Variants in CDH10 observed in about 807,000 individuals in gnomAD.
CDH10 encodes the protein cadherin-10.
Under a neutral mutation model 73.1 loss-of-function variants are expected in CDH10, and 30 were observed. That is an observed-to-expected ratio of 0.41 (90% CI 0.31 to 0.56). The LOEUF (loss-of-function observed/expected upper bound fraction) is 0.56, where lower values mean the gene tolerates loss of function less well. Among genes scored for constraint, CDH10 ranks in the 20% least tolerant of loss-of-function variants. The probability of loss-of-function intolerance (pLI) is 0.27; values close to 1 mark genes in which losing one functional copy is unlikely to be tolerated. For synonymous variants in CDH10, 345 were observed against 348.2 expected (o/e 0.99, Z 0.10); for missense variants, 815 against 973.7 (o/e 0.84, Z 2.17).
intron 2 of CDH10, among the ~76,000 whole-genome samples, chr5:24,568,575 A>G (rs1745247874): frequency 6.6e-6 from 1 of 151,842 alleles, no homozygotes; most frequent in Admixed American, 6.5e-5. Flanking sequence ...ACTGCTGTGG[A>G]AAACAATATG....
intron 2 of CDH10, among the ~76,000 whole-genome samples, chr5:24,555,296 C>G (rs997805294): frequency 2.0e-5 from 3 of 152,016 alleles, no homozygotes; most frequent in Admixed American, 1.3e-4. Context: ...TGTGACTTTT[C>G]TCTTTCCTTA....
At chr5:24,631,856 CTCT>C (rs926200560) in intron 1 of CDH10, among the ~76,000 whole-genome samples, 6 of 151,930 alleles carry the variant, frequency 3.9e-5, no homozygotes, top group African/African-American at 9.7e-5. Flanking sequence ...TAATTTGAAC[CTCT>C]TCTTTAGTGT....
At chr5:24,574,370 T>C (rs991665559) in intron 2 of CDH10, among the ~76,000 whole-genome samples, 1 of 152,170 alleles carries the variant, frequency 6.6e-6, no homozygotes, top group Non-Finnish European at 1.5e-5. Context: ...TTGCATTGTC[T>C]GGTTGGTTCT....
chr5:24,599,566 A>G (rs1746491148), intron 1 of CDH10, among the ~76,000 whole-genome samples: 1 of 152,218 alleles, frequency 6.6e-6, no homozygotes. Flanking sequence ...GAGAATGTGT[A>G]GAACATGCAT....
chr5:24,600,637 G>A (rs772254179), intron 1 of CDH10, among the ~76,000 whole-genome samples: 10 of 152,062 alleles, frequency 6.6e-5, no homozygotes, highest in Non-Finnish European at 8.8e-5. Flanking sequence ...GTACATGCAT[G>A]CAGATGTACG....
intron 3 of CDH10, 23 bp downstream of exon 3, chr5:24,537,357 A>G (rs749651062): frequency 3.2e-5 from 49 of 1,540,770 alleles, no homozygotes; most frequent in Admixed American, 1.1e-4. Context: ...GAATACCATC[A>G]TAAACGCTGT....
At chr5:24,634,116 G>A (rs957972689) in intron 1 of CDH10, among the ~76,000 whole-genome samples, 3 of 151,680 alleles carry the variant, frequency 2.0e-5, no homozygotes, top group African/African-American at 7.3e-5. Flanking sequence ...CACATGAAAT[G>A]GTTGAAAACC....
At chr5:24,489,840 TAGTG>T (rs1327484768) in intron 11 of CDH10, among the ~76,000 whole-genome samples, 7 of 152,060 alleles carry the variant, frequency 4.6e-5, no homozygotes, top group Non-Finnish European at 8.8e-5. Context: ...ATATGTAAGA[TAGTG>T]AGGCCTCCAT....
rs3815910 is a variant in CDH10 at position 24,498,561 on chromosome 5, G to A, written c.1394-42C>T. The A allele has an allele frequency of 2.2e-4, 325 of 1,479,514 alleles. 1 individual carries two copies. The highest frequency in any genetic ancestry group is 1.1e-5 in the Non-Finnish European group (12 of 1,064,668). The allele number at this position is 1,479,514 out of a possible 1,614,324, so 91.6% of individuals were successfully genotyped here. A position where few individuals can be genotyped will look rare whatever the true frequency, so the allele number is the denominator to read the frequency against. ...AAAATATTGTTTAGGAAGATAAATT[G>A]GTGCATCAAATTTAATTTATATAGG... is the stretch of plus-strand genomic sequence containing the variant. On this transcript the variant is annotated intron_variant, in intron 8 of 11. Coordinates refer to ENST00000264463, the MANE Select transcript of CDH10 (RefSeq NM_006727.5).
rs2111650381 is a variant in CDH10 at position 24,492,892 on chromosome 5, C to T, written c.1549G>A (p.Asp517Asn). Residue 517 changes from aspartate to asparagine, a missense_variant, in exon 10 of 12, where the codon GAC becomes AAC. Physicochemically the swap from Asp to Asn is conservative, Grantham distance 23. This residue lies in a region of CDH10 where 516 missense variants were observed against 636.6 expected (regional missense o/e 0.81). Transcript: ENST00000264463. ...IQTISAVDKDDPLGGQKFFFS... is the reference protein window; with the variant it reads ...IQTISAVDKDNPLGGQKFFFS... ...AAAAATTTCTGTCCACCTAAAGGGTCATCTTTGTCTACTGCACTTATAGTC... is the reference window on the plus strand; with the variant it reads ...AAAAATTTCTGTCCACCTAAAGGGTTATCTTTGTCTACTGCACTTATAGTC... 6.4e-7 allele frequency: 1 copy of T among 1,569,150 alleles called. No individual in the cohort carries two copies. Among genetic ancestry groups the T allele is most frequent in the Non-Finnish European group, 8.8e-7 (1 of 1,139,402 alleles).
At chr5:24,509,349 C>T (rs570415988) in intron 7 of CDH10, among the ~76,000 whole-genome samples, 1 of 148,120 alleles carries the variant, frequency 6.8e-6, no homozygotes, top group African/African-American at 2.5e-5. Context: ...AAGTGATTCT[C>T]CTGCCTCAGC....
chr5:24,604,103 C>G (rs867533659), intron 1 of CDH10, among the ~76,000 whole-genome samples: 1 of 152,104 alleles, frequency 6.6e-6, no homozygotes, highest in Non-Finnish European at 1.5e-5. Context: ...ATTCGAAACC[C>G]TTTGGGAGGC....
intron 7 of CDH10, among the ~76,000 whole-genome samples, 190 bp downstream of exon 7, chr5:24,509,376 A>T (rs148848800): frequency 0.011 from 1,637 of 150,128 alleles, 36 homozygotes; most frequent in African/African-American, 0.038. Flanking sequence ...AGTAGCTGGG[A>T]TTACAGGCAC....
At chr5:24,531,282 C>G (rs896647541) in intron 5 of CDH10, among the ~76,000 whole-genome samples, 3 of 152,060 alleles carry the variant, frequency 2.0e-5, no homozygotes, top group African/African-American at 7.2e-5. Context: ...TGAACCAACC[C>G]CTTGCCAGTC....
intron 1 of CDH10, chr5:24,613,160 G>C (rs1478705150): frequency 6.6e-6 from 1 of 151,882 alleles, no homozygotes; most frequent in African/African-American, 2.4e-5. Flanking sequence ...AAAAAAAAAT[G>C]GATAACTGAA....
chr5:24,557,757 C>G (rs987226530), intron 2 of CDH10, among the ~76,000 whole-genome samples: 1 of 151,638 alleles, frequency 6.6e-6, no homozygotes, highest in African/African-American at 2.4e-5. Flanking sequence ...GATTGTATTA[C>G]GATGTTCCAA....
chr5:24,594,572 C>T (rs1746308190), intron 1 of CDH10, among the ~76,000 whole-genome samples: 1 of 151,880 alleles, frequency 6.6e-6, no homozygotes, highest in South Asian at 2.1e-4. Flanking sequence ...CCACCACATC[C>T]CCCTAAACTG....
intron 5 of CDH10, among the ~76,000 whole-genome samples, chr5:24,530,195 T>C (rs1743686631): frequency 6.6e-6 from 1 of 151,622 alleles, no homozygotes; most frequent in South Asian, 2.1e-4. Context: ...ATAGACATTC[T>C]CTGGAGTGTT....
chr5:24,536,039 T>C (rs1172572291), intron 3 of CDH10, among the ~76,000 whole-genome samples: 1 of 152,104 alleles, frequency 6.6e-6, no homozygotes, highest in African/African-American at 2.4e-5. Flanking sequence ...TGTCTATTTT[T>C]ATGCATGCAA....
Sources: allele counts gnomAD v4.1 joint callset (sites outside exome capture counted in the v4.1 genomes callset), GRCh38; gene constraint gnomAD v4.1.1; regional missense constraint gnomAD v4.1.1; transcripts MANE v1.5; gene names NCBI Gene and HGNC (gene_info 2026-07-23, HGNC 2026-07-21).